The following NUMA1 variants were observed in gnomAD, a reference collection of about 807,000 sequenced individuals.
NUMA1 encodes the protein SP-H antigen.
NUMA1 carries 62 observed loss-of-function variants against 237.1 expected under a neutral mutation model. That is an observed-to-expected ratio of 0.26 (90% confidence interval 0.21 to 0.32). The LOEUF (loss-of-function observed/expected upper bound fraction) is 0.32, where lower values mean the gene tolerates loss of function less well. NUMA1 is among the 10% of genes least tolerant of loss of function. The probability of loss-of-function intolerance (pLI) is 1.00; values close to 1 mark genes in which losing one functional copy is unlikely to be tolerated. For synonymous variants in NUMA1, 1,028 were observed against 1,066.1 expected, an observed-to-expected ratio of 0.96 and a Z score of 0.70; for missense variants, 2,533 against 2,666.5, an observed-to-expected ratio of 0.95 and a Z score of 1.10.
intron 4 of NUMA1, among the ~76,000 whole-genome samples, chr11:72,027,966 G>A (rs544270081): frequency 1.3e-5 from 2 of 152,326 alleles, no homozygotes; most frequent in South Asian, 4.1e-4. Flanking sequence ...AAATGGTACT[G>A]TCTGGACCAA....
At chr11:72,078,159 C>A (rs1337914844) in intron 1 of NUMA1, among the ~76,000 whole-genome samples, 1 of 152,184 alleles carries the variant, frequency 6.6e-6, no homozygotes, top group Non-Finnish European at 1.5e-5. Context: ...ACAGGGCAAG[C>A]CACCATGCCC....
At chr11:72,003,749 C>G (rs1955438136) in intron 26 of NUMA1, 138 bp downstream of exon 26, 1 of 1,038,108 alleles carries the variant, frequency 9.6e-7, no homozygotes, top group African/African-American at 1.6e-5. Flanking sequence ...AGAGGAGCTA[C>G]CAGGACAGGG....
Position 72,054,237 on chromosome 11 carries a change from AG to A in NUMA1, c.-33+15604del, listed in dbSNP as rs1771148363. ...TCCCAGCACTTTGGCAGGTCAAGGC[AG>A]GTGGATCGCTTGAGGCCAGGAGTTC... On this transcript the variant is annotated intron_variant, in intron 2 of 26. Coordinates refer to ENST00000393695, the MANE Select transcript of NUMA1 (RefSeq NM_006185.4). 2.0e-5 allele frequency among the ~76,000 whole-genome samples: 3 copies of A among 152,240 alleles called. No homozygotes were observed. In the South Asian group the frequency reaches 6.2e-4, roughly 32 times the overall value.
intron 1 of NUMA1, among the ~76,000 whole-genome samples, chr11:72,073,882 TCA>T (rs1242235910): frequency 6.6e-6 from 1 of 152,134 alleles, no homozygotes; most frequent in African/African-American, 2.4e-5. Flanking sequence ...AGAACTTAGC[TCA>T]CAGAGCTTTA....
At position 72,006,217 on chromosome 11, in the gene NUMA1, C is replaced by G. The variant is rs746384152; in HGVS notation, c.5510G>C (p.Ser1837Thr). The G allele has an allele frequency of 6.2e-7, 1 of 1,614,172 alleles. No homozygotes were observed. The highest frequency in any genetic ancestry group is 1.1e-5 in the South Asian group (1 of 91,078). The change falls in exon 22 of 27, where the codon AGC becomes ACC. Residue 1837 changes from serine to threonine, a missense_variant. By Grantham distance (58) the Ser-to-Thr change is moderately conservative. Around this residue, in one of 3 missense-constraint regions of NUMA1, gnomAD observed 795 missense variants for 750.8 expected, o/e 1.06. Coordinates refer to ENST00000393695, the MANE Select transcript of NUMA1 (RefSeq NM_006185.4). ...CTGGGAAGCAGGAGCAGACCGCGTG[C>G]TGTAGAACGATGAGTTGGCGCTGTC... is the stretch of plus-strand genomic sequence containing the variant. ...EPDSANSSFY[S>T]TRSAPASQAS...
In NUMA1 at chr11:72,006,275, A is replaced by T; in HGVS notation, c.5464-12T>A. On this transcript the variant is annotated splice_polypyrimidine_tract_variant and intron_variant, in intron 21 of 26. Transcript: ENST00000393695. ...TCCACATCTAGCTTCTGGAAGACAG[A>T]GTGAATCTGTTGCAGTGTACAGTCC... 1 of 1,612,442 alleles carries T rather than the reference A, an allele frequency of 6.2e-7. No individual in the cohort carries two copies. Among genetic ancestry groups the T allele is most frequent in the Non-Finnish European group, 8.5e-7 (1 of 1,178,616 alleles).
chr11:72,029,144 G>GC, intron 4 of NUMA1, 61 bp downstream of exon 4: 2 of 1,230,996 alleles, frequency 1.6e-6, no homozygotes, highest in African/African-American at 1.5e-5. Flanking sequence ...AACAAGTACA[G>GC]CCCCCACCCC....
intron 1 of NUMA1, among the ~76,000 whole-genome samples, chr11:72,075,165 C>T (rs2511120): frequency 0.93 from 141,123 of 152,236 alleles, 65,659 homozygotes; most frequent in Non-Finnish European, 0.98. Context: ...AAACATCCTT[C>T]TAGACTGTGC....
intron 2 of NUMA1, among the ~76,000 whole-genome samples, chr11:72,045,229 T>C (rs1819184436): frequency 1.3e-5 from 2 of 150,258 alleles, no homozygotes; most frequent in South Asian, 4.2e-4. Context: ...AGAGAATGAC[T>C]GTGGTGGGTG....
chr11:72,044,227 A>G (rs1169864645), intron 2 of NUMA1, among the ~76,000 whole-genome samples: 2 of 152,204 alleles, frequency 1.3e-5, no homozygotes, highest in Non-Finnish European at 2.9e-5. Context: ...TCTGAACTTT[A>G]GTATCCCTAT....
intron 3 of NUMA1, among the ~76,000 whole-genome samples, chr11:72,030,314 TGAC>T (rs1279224548): frequency 2.3e-5 from 3 of 131,230 alleles, no homozygotes; most frequent in Non-Finnish European, 4.6e-5. Flanking sequence ...CTAGCCTGAG[TGAC>T]AGAGCAAGAC....
intron 16 of NUMA1, 57 bp downstream of exon 16, chr11:72,012,344 C>T: frequency 6.4e-7 from 1 of 1,558,354 alleles, no homozygotes; most frequent in East Asian, 2.2e-5. Flanking sequence ...CGGGCTCATG[C>T]ACCAAGACTG....
At chr11:72,064,129 A>G (rs1327629469) in intron 2 of NUMA1, among the ~76,000 whole-genome samples, 1 of 152,140 alleles carries the variant, frequency 6.6e-6, no homozygotes, top group Non-Finnish European at 1.5e-5. Context: ...AAGAATATAC[A>G]TATGATGAAA....
chr11:72,043,357 CTTTT>C (rs35559801), intron 2 of NUMA1, among the ~76,000 whole-genome samples: 6 of 105,592 alleles, frequency 5.7e-5, no homozygotes, highest in Admixed American at 1.1e-4. Context: ...AGGCGGAGTT[CTTTT>C]TTTTTTTTTT....
chr11:72,011,922 A>G (rs1330633872), intron 16 of NUMA1, among the ~76,000 whole-genome samples: 1 of 152,094 alleles, frequency 6.6e-6, no homozygotes, highest in Non-Finnish European at 1.5e-5. Context: ...TAAGCCCACA[A>G]TCCTCCCTAA....
Position 72,007,373 on chromosome 11 carries a change from G to A in NUMA1, c.5279C>T (p.Ser1760Phe). 6.2e-7 allele frequency: 1 copy of A among 1,613,862 alleles called. No individual in the cohort carries two copies. Among genetic ancestry groups the A allele is most frequent in the South Asian group, 1.1e-5 (1 of 91,066 alleles). The change falls in exon 21 of 27, where the codon TCC becomes TTC. Residue 1760 changes from serine to phenylalanine, a missense_variant. Around this residue, in one of 3 missense-constraint regions of NUMA1, gnomAD observed 795 missense variants for 750.8 expected, o/e 1.06. Coordinates refer to ENST00000393695, the MANE Select transcript of NUMA1 (RefSeq NM_006185.4). ...TTCTACCTTGGGGGGCAGGCGCTGG[G>A]AGATAGGTGAGGCTGGTTCTCCAGG... ...SVPGEPASPI[S>F]QRLPPKVESL...
intron 2 of NUMA1, among the ~76,000 whole-genome samples, chr11:72,062,270 G>A (rs1177947473): frequency 6.6e-6 from 1 of 151,836 alleles, no homozygotes; most frequent in Non-Finnish European, 1.5e-5. Flanking sequence ...GGGTCATTTA[G>A]GTAATATCAG....
At chr11:72,031,537 G>A (rs1411993197) in intron 3 of NUMA1, among the ~76,000 whole-genome samples, 1 of 152,172 alleles carries the variant, frequency 6.6e-6, no homozygotes, top group African/African-American at 2.4e-5. Flanking sequence ...GCCCATGCCT[G>A]TAATCCCAGC....
intron 2 of NUMA1, chr11:72,068,267 C>G (rs1943287775): frequency 6.6e-6 from 1 of 152,210 alleles, no homozygotes; most frequent in Admixed American, 6.5e-5. Flanking sequence ...CTTGTTCCCT[C>G]AACACACTTG....
Sources: gnomAD v4.1 joint callset for allele counts (sites outside exome capture counted in the v4.1 genomes callset) on GRCh38, gnomAD v4.1.1 for gene constraint, gnomAD v4.1.1 regional missense constraint, MANE v1.5 for transcripts, NCBI Gene and HGNC (gene_info 2026-07-23, HGNC 2026-07-21) for gene names.